CDH13: variants seen among roughly 807,000 people sequenced by gnomAD.
CDH13 encodes cadherin-13.
Under a neutral mutation model 63.8 loss-of-function variants are expected in CDH13, and 24 were observed. The observed-to-expected ratio is 0.38, with a 90% CI of 0.27 to 0.53. The LOEUF is 0.53. Among genes scored for constraint, CDH13 ranks in the 20% least tolerant of loss-of-function variants. CDH13 has a pLI of 0.85. For missense variants in CDH13, 1,049 were observed against 903.1 expected, an observed-to-expected ratio of 1.16 and a Z score of -2.07; for synonymous variants, 503 against 355.3, an observed-to-expected ratio of 1.42 and a Z score of -4.67.
intron 10 of CDH13, among the ~76,000 whole-genome samples, chr16:83,703,240 C>T (rs1027525234): frequency 5.3e-5 from 8 of 152,212 alleles, no homozygotes; most frequent in African/African-American, 1.9e-4. Context: ...CACACTCTTC[C>T]ATACCCGTAA....
At chr16:83,773,198 G>C (rs1914873085) in intron 11 of CDH13, among the ~76,000 whole-genome samples, 1 of 152,190 alleles carries the variant, frequency 6.6e-6, no homozygotes, top group South Asian at 2.1e-4. Flanking sequence ...ACTAGCAACA[G>C]GTTGGAAGAT....
At chr16:83,485,172 C>A (rs778520714) in intron 6 of CDH13, among the ~76,000 whole-genome samples, 1 of 152,200 alleles carries the variant, frequency 6.6e-6, no homozygotes. Flanking sequence ...AACAGCTAGG[C>A]TGTTTCCAAA....
At chr16:83,626,014 T>C (rs573618188) in intron 8 of CDH13, among the ~76,000 whole-genome samples, 51 of 150,794 alleles carry the variant, frequency 3.4e-4, no homozygotes, top group Admixed American at 2.1e-3. Flanking sequence ...CTTGCTTCTT[T>C]TTTTTTTTTT....
intron 1 of CDH13, among the ~76,000 whole-genome samples, chr16:82,812,653 G>A (rs1418363712): frequency 3.9e-5 from 6 of 152,192 alleles, no homozygotes; most frequent in African/African-American, 7.2e-5. Flanking sequence ...GAAACCAGAT[G>A]GGAGGGGAAG....
At chr16:83,174,533 G>A (rs2038048016) in intron 4 of CDH13, among the ~76,000 whole-genome samples, 1 of 151,942 alleles carries the variant, frequency 6.6e-6, no homozygotes. Context: ...GACCCTTTAT[G>A]CTTGTATGTA....
chr16:83,085,107 A>C (rs1401902985), intron 3 of CDH13, among the ~76,000 whole-genome samples: 2 of 151,902 alleles, frequency 1.3e-5, no homozygotes, highest in African/African-American at 4.8e-5. Flanking sequence ...GACATAGCTG[A>C]GACTGGGAAG....
chr16:82,889,362 A>T (rs1186307243), intron 2 of CDH13, among the ~76,000 whole-genome samples: 1 of 151,596 alleles, frequency 6.6e-6, no homozygotes, highest in Non-Finnish European at 1.5e-5. Flanking sequence ...ACCTATCTAA[A>T]ATCTATCTAT....
At chr16:82,896,770 CTTTTTTTTTTTT>C (rs71382855) in intron 2 of CDH13, among the ~76,000 whole-genome samples, 5 of 55,516 alleles carry the variant, frequency 9.0e-5, no homozygotes, top group South Asian at 1.0e-3. Flanking sequence ...CTGTGCAATT[CTTTTTTTTTTTT>C]TTTTTTTTTT....
intron 2 of CDH13, among the ~76,000 whole-genome samples, chr16:83,015,403 G>A (rs937287437): frequency 6.0e-5 from 9 of 150,540 alleles, no homozygotes; most frequent in South Asian, 2.1e-4. Flanking sequence ...TTTGAAAACC[G>A]TACTGCTAAA....
chr16:82,792,838 C>G (rs750274329), intron 1 of CDH13, among the ~76,000 whole-genome samples: 5 of 152,232 alleles, frequency 3.3e-5, no homozygotes, highest in Admixed American at 1.3e-4. Flanking sequence ...TGACATCATT[C>G]CAGACTACAA....
chr16:83,024,607 G>A (rs997838110), intron 2 of CDH13, among the ~76,000 whole-genome samples: 2 of 152,174 alleles, frequency 1.3e-5, no homozygotes, highest in African/African-American at 2.4e-5. Flanking sequence ...AGTTTCCACA[G>A]AACACCAAAA....
intron 10 of CDH13, among the ~76,000 whole-genome samples, chr16:83,724,952 C>T (rs1349102010): frequency 1.3e-5 from 2 of 152,176 alleles, no homozygotes; most frequent in Non-Finnish European, 2.9e-5. Flanking sequence ...TTAGGCCAAT[C>T]AATGCAAATT....
chr16:83,267,260 T>C (rs1015095101), intron 5 of CDH13, among the ~76,000 whole-genome samples: 3 of 152,106 alleles, frequency 2.0e-5, no homozygotes, highest in Non-Finnish European at 4.4e-5. Flanking sequence ...CCAGGGATGG[T>C]TAATTCCCCA....
At chr16:82,711,513 C>A (rs1010997573) in intron 1 of CDH13, among the ~76,000 whole-genome samples, 2 of 152,012 alleles carry the variant, frequency 1.3e-5, no homozygotes, top group Non-Finnish European at 2.9e-5. Context: ...GAGGTGATGC[C>A]ACTTGAAAAA....
intron 2 of CDH13, among the ~76,000 whole-genome samples, chr16:82,937,874 A>G (rs149362909): frequency 2.0e-3 from 312 of 152,354 alleles, no homozygotes; most frequent in African/African-American, 7.1e-3. Context: ...TGATTAAAGT[A>G]CAATTGGATG....
intron 2 of CDH13, among the ~76,000 whole-genome samples, chr16:83,009,009 G>C (rs919839305): frequency 6.6e-6 from 1 of 152,138 alleles, no homozygotes; most frequent in Non-Finnish European, 1.5e-5. Flanking sequence ...CAGATCTCGT[G>C]AGAACTCACT....
intron 7 of CDH13, among the ~76,000 whole-genome samples, chr16:83,550,318 G>A (rs1349841260): frequency 6.6e-6 from 1 of 152,196 alleles, no homozygotes; most frequent in Non-Finnish European, 1.5e-5. Flanking sequence ...CAACCAGGGG[G>A]CGCTGACAGA....
intron 1 of CDH13, among the ~76,000 whole-genome samples, chr16:82,653,098 G>T (rs144253872): frequency 2.0e-5 from 3 of 152,284 alleles, no homozygotes; most frequent in Non-Finnish European, 4.4e-5. Context: ...GAGCTTGGGA[G>T]TACAACCACT....
intron 6 of CDH13, among the ~76,000 whole-genome samples, chr16:83,446,475 A>G (rs139058156): frequency 4.1e-4 from 63 of 152,290 alleles, no homozygotes; most frequent in African/African-American, 1.5e-3. Context: ...CCAGTTTTAT[A>G]AAATAATGTA....
Sources: allele counts gnomAD v4.1 joint callset (sites outside exome capture counted in the v4.1 genomes callset), GRCh38; gene constraint gnomAD v4.1.1; transcripts MANE v1.5; gene names NCBI Gene and HGNC (gene_info 2026-07-23, HGNC 2026-07-21).